The following NECAB1 variants were observed in gnomAD, a reference collection of about 807,000 sequenced individuals.
NECAB1 encodes N-terminal EF-hand calcium binding protein 1.
Under a neutral mutation model 57.5 loss-of-function variants are expected in NECAB1, and 29 were observed. The observed-to-expected ratio is 0.50, with a 90% CI of 0.38 to 0.69. The LOEUF (loss-of-function observed/expected upper bound fraction) is 0.69, where lower values mean the gene tolerates loss of function less well. NECAB1 is among the 30% of genes least tolerant of loss of function. NECAB1 has a pLI of 0.00. For synonymous variants in NECAB1, 142 were observed against 147.7 expected (o/e 0.96, Z 0.28); for missense variants, 372 against 413.8 (o/e 0.90, Z 0.88).
intron 3 of NECAB1, among the ~76,000 whole-genome samples, chr8:90,859,718 G>A (rs534850072): frequency 1.3e-5 from 2 of 152,194 alleles, no homozygotes; most frequent in African/African-American, 2.4e-5. Context: ...CCAAAAAATC[G>A]TAAACATTAG....
At chr8:90,878,047 T>G (rs1808761978) in intron 4 of NECAB1, among the ~76,000 whole-genome samples, 1 of 152,052 alleles carries the variant, frequency 6.6e-6, no homozygotes, top group South Asian at 2.1e-4. Flanking sequence ...TTTCTTTTTT[T>G]TTTTTCAAAG....
chr8:90,865,401 C>A (rs1274170278), intron 3 of NECAB1, among the ~76,000 whole-genome samples: 13 of 152,112 alleles, frequency 8.5e-5, no homozygotes, highest in Non-Finnish European at 1.5e-5. Context: ...GATCACTATA[C>A]CCTCTGTAAG....
At chr8:90,863,638 A>C (rs1205959224) in intron 3 of NECAB1, among the ~76,000 whole-genome samples, 1 of 152,214 alleles carries the variant, frequency 6.6e-6, no homozygotes, top group Non-Finnish European at 1.5e-5. Flanking sequence ...TAGAAATTCC[A>C]CTAAGTAATA....
intron 6 of NECAB1, among the ~76,000 whole-genome samples, chr8:90,918,746 C>T (rs759186118): frequency 1.3e-5 from 2 of 152,146 alleles, no homozygotes; most frequent in African/African-American, 4.8e-5. Flanking sequence ...TCTCATGTGG[C>T]TCACTTCTCT....
intron 5 of NECAB1, among the ~76,000 whole-genome samples, chr8:90,910,323 CTTAT>C (rs1809798394): frequency 6.6e-6 from 1 of 152,014 alleles, no homozygotes; most frequent in African/African-American, 2.4e-5. Flanking sequence ...TATTGTGCTT[CTTAT>C]TTTTCTTTTT....
At chr8:90,864,820 A>C (rs1480116897) in intron 3 of NECAB1, among the ~76,000 whole-genome samples, 1 of 152,098 alleles carries the variant, frequency 6.6e-6, no homozygotes, top group Non-Finnish European at 1.5e-5. Context: ...TACCTTAGCC[A>C]CTTCAGAGGT....
In NECAB1 at chr8:90,817,270, G is replaced by C. The variant is rs572023756; in HGVS notation, c.125-7447G>C. ...TGTCATCGTGAAGAAATACAATTTT[G>C]TTTCTACCTTCCCAATCTATATAAT... On this transcript the variant is annotated intron_variant, in intron 2 of 12. Coordinates refer to ENST00000417640, the MANE Select transcript of NECAB1 (RefSeq NM_022351.5). Among the ~76,000 whole-genome samples, 334 of 151,582 alleles carry C rather than the reference G, an allele frequency of 2.2e-3. 1 individual carries two copies. Among genetic ancestry groups the C allele is most frequent in the African/African-American group, 7.5e-3 (310 of 41,444 alleles).
intron 3 of NECAB1, among the ~76,000 whole-genome samples, chr8:90,859,413 C>T (rs1270848155): frequency 2.0e-5 from 3 of 152,112 alleles, no homozygotes; most frequent in Non-Finnish European, 4.4e-5. Flanking sequence ...CTCAAATCCA[C>T]CTGACTAAAA....
At chr8:90,793,770 A>C (rs928439531) in intron 1 of NECAB1, among the ~76,000 whole-genome samples, 1 of 152,196 alleles carries the variant, frequency 6.6e-6, no homozygotes, top group Non-Finnish European at 1.5e-5. Flanking sequence ...CTTTTTAAAA[A>C]GCACTTAACA....
intron 2 of NECAB1, among the ~76,000 whole-genome samples, chr8:90,821,825 T>C (rs1326646984): frequency 6.6e-6 from 1 of 151,856 alleles, no homozygotes; most frequent in Non-Finnish European, 1.5e-5. Flanking sequence ...TGGCACATAC[T>C]AGGACCTTGA....
At chr8:90,811,694 T>C in intron 2 of NECAB1, among the ~76,000 whole-genome samples, 1 of 152,210 alleles carries the variant, frequency 6.6e-6, no homozygotes, top group East Asian at 1.9e-4. Flanking sequence ...CTTTCTTGTC[T>C]CTACATCTCA....
chr8:90,907,155 A>T (rs868706740), intron 5 of NECAB1, among the ~76,000 whole-genome samples: 16 of 127,810 alleles, frequency 1.3e-4, no homozygotes, highest in South Asian at 4.7e-4. Context: ...TGTGTGTGAG[A>T]GAGAGAGAGA....
chr8:90,902,542 C>T (rs1809533351), intron 5 of NECAB1, among the ~76,000 whole-genome samples: 1 of 152,102 alleles, frequency 6.6e-6, no homozygotes, highest in South Asian at 2.1e-4. Context: ...GTATAACACA[C>T]ACATAAATTA....
At chr8:90,815,469 A>G (rs1812045772) in intron 2 of NECAB1, among the ~76,000 whole-genome samples, 1 of 151,994 alleles carries the variant, frequency 6.6e-6, no homozygotes, top group Non-Finnish European at 1.5e-5. Flanking sequence ...TGGCAAATGC[A>G]TGTTATATAT....
intron 2 of NECAB1, chr8:90,812,668 C>A (rs1811981968): frequency 6.6e-6 from 1 of 152,010 alleles, no homozygotes; most frequent in Non-Finnish European, 1.5e-5. Context: ...GATATCTGAG[C>A]ATTTGGTTGA....
chr8:90,796,595 C>G (rs1390325912), intron 1 of NECAB1, among the ~76,000 whole-genome samples: 1 of 152,172 alleles, frequency 6.6e-6, no homozygotes, highest in African/African-American at 2.4e-5. Context: ...ATAAAGGAAT[C>G]TATTTGATAA....
chr8:90,802,116 T>C (rs1429902688), intron 2 of NECAB1, among the ~76,000 whole-genome samples: 2 of 152,226 alleles, frequency 1.3e-5, no homozygotes, highest in African/African-American at 2.4e-5. Flanking sequence ...CCCAGGTCTG[T>C]ATGACACGCA....
chr8:90,825,804 A>C (rs1812213677), intron 3 of NECAB1, among the ~76,000 whole-genome samples: 1 of 151,918 alleles, frequency 6.6e-6, no homozygotes, highest in Admixed American at 6.6e-5. Context: ...ATTCTTCATC[A>C]AACAGCTTAA....
At chr8:90,879,953 A>G (rs1387438860) in intron 4 of NECAB1, among the ~76,000 whole-genome samples, 3 of 152,174 alleles carry the variant, frequency 2.0e-5, no homozygotes, top group South Asian at 4.1e-4. Flanking sequence ...TATTTTGACA[A>G]CCATGATCTG....
Sources: allele counts gnomAD v4.1 joint callset (sites outside exome capture counted in the v4.1 genomes callset), GRCh38; gene constraint gnomAD v4.1.1; transcripts MANE v1.5; gene names NCBI Gene and HGNC (gene_info 2026-07-23, HGNC 2026-07-21).